Variants in CHM observed in about 807,000 individuals in gnomAD.
The protein encoded by CHM is CHM Rab escort protein, also known as rab proteins geranylgeranyltransferase component A 1.
A neutral mutation model predicts 49.0 loss-of-function variants in CHM; 10 were observed. That is an observed-to-expected ratio of 0.20 (90% CI 0.13 to 0.35). The LOEUF (loss-of-function observed/expected upper bound fraction) is 0.35, where lower values mean the gene tolerates loss of function less well. Among genes scored for constraint, CHM ranks in the 10% least tolerant of loss-of-function variants. The pLI, the probability that CHM is intolerant of heterozygous loss-of-function variation, is 1.00. For synonymous variants in CHM, 184 were observed against 167.5 expected, an observed-to-expected ratio of 1.10 and a Z score of -0.76; for missense variants, 455 against 478.4, an observed-to-expected ratio of 0.95 and a Z score of 0.46.
At chrX:85,912,531 G>A (rs1603248513) in intron 8 of CHM, among the ~76,000 whole-genome samples, 1 of 111,433 alleles carries the variant, frequency 9.0e-6, no homozygotes, top group East Asian at 2.8e-4. Flanking sequence ...ATAATGGAAT[G>A]TCCAGAAAGA....
rs1323025683 is a variant in CHM, at chrX:85,956,996, A to C, written c.941-618T>G. On this transcript the variant is annotated intron_variant, in intron 7 of 14. Coordinates refer to ENST00000357749, the MANE Select transcript of CHM (RefSeq NM_000390.4). ...ATAAATCCCATGATAAAAGACAAAAACTTTACAGAAATAATTTACATAAAT... is the reference window on the plus strand; with the variant it reads ...ATAAATCCCATGATAAAAGACAAAACCTTTACAGAAATAATTTACATAAAT... 3.6e-5 allele frequency among the ~76,000 whole-genome samples: 4 copies of C among 111,339 alleles called. No individual in the cohort carries two copies. The South Asian group carries it at 1.5e-3, about 42-fold the overall frequency.
intron 2 of CHM, among the ~76,000 whole-genome samples, chrX:86,000,269 G>GAAAAACAAAAAAAAAAAAAAAAAAAAA (rs1932636954): frequency 1.4e-5 from 1 of 72,664 alleles, no homozygotes. Flanking sequence ...AAGTCTTCCT[G>GAAAAACAAAAAAAAAAAAAAAAAAAAA]AAAAAAAAAA....
rs1924196508 is a variant in CHM, at chrX:85,873,187, T to G, written c.1635A>C (p.Arg545Ser). Reference protein sequence around the residue: ...EIENEQVEKPRILWALYFNMR... With the variant: ...EIENEQVEKPSILWALYFNMR... ...TATTGAAGTAAAGAGCCCACAGAATTCTTGGCTTTTCTACTTGTTCATTTT... is the reference window on the plus strand; with the variant it reads ...TATTGAAGTAAAGAGCCCACAGAATGCTTGGCTTTTCTACTTGTTCATTTT... Residue 545 changes from arginine to serine, a missense_variant, in exon 14 of 15, where the codon AGA becomes AGC. Arg to Ser is a moderately radical substitution (Grantham distance 110). Coordinates refer to ENST00000357749, the MANE Select transcript of CHM (RefSeq NM_000390.4). 8.4e-7 allele frequency: 1 copy of G among 1,187,683 alleles called. No individual in the cohort carries two copies. The highest frequency in any genetic ancestry group is 1.8e-5 in the African/African-American group (1 of 56,718).
chrX:85,974,536 G>GA (rs943603931), intron 4 of CHM, among the ~76,000 whole-genome samples: 8 of 111,107 alleles, frequency 7.2e-5, no homozygotes, highest in African/African-American at 2.6e-4. Context: ...ATTGGTGGAG[G>GA]AAAAAACATA....
chrX:86,032,853 G>C (rs1458274236), intron 1 of CHM, among the ~76,000 whole-genome samples: 1 of 111,346 alleles, frequency 9.0e-6, no homozygotes, highest in Non-Finnish European at 1.9e-5. Context: ...TCACAGTTGA[G>C]GTTCTGTTAC....
intron 13 of CHM, among the ~76,000 whole-genome samples, chrX:85,874,443 T>C (rs1924299338): frequency 1.8e-5 from 2 of 111,768 alleles, no homozygotes; most frequent in African/African-American, 6.5e-5. Context: ...GGCATAATTA[T>C]CTCATTAATT....
chrX:85,874,373 T>A (rs1924294230), intron 13 of CHM, among the ~76,000 whole-genome samples: 1 of 111,617 alleles, frequency 9.0e-6, no homozygotes, highest in Admixed American at 9.5e-5. Context: ...TAATAATGAA[T>A]GTTTATGAAG....
chrX:85,925,785 T>TAA (rs1368331743), intron 8 of CHM, among the ~76,000 whole-genome samples: 1 of 112,033 alleles, frequency 8.9e-6, no homozygotes, highest in African/African-American at 3.2e-5. Flanking sequence ...CTTCTTTTAC[T>TAA]TCTAATGCTC....
chrX:85,978,577 C>G (rs1023117327), intron 4 of CHM, 190 bp downstream of exon 4: 8 of 332,531 alleles, frequency 2.4e-5, no homozygotes, highest in Non-Finnish European at 4.3e-5. Context: ...AATTCGGAGG[C>G]GTTAAGGTAA....
At chrX:85,936,621 C>T (rs1386580537) in intron 8 of CHM, among the ~76,000 whole-genome samples, 1 of 112,208 alleles carries the variant, frequency 8.9e-6, no homozygotes, top group Non-Finnish European at 1.9e-5. Context: ...TAAAAAGACT[C>T]AGTTTTTGAG....
At chrX:85,930,109 T>TA (rs1031133233) in intron 8 of CHM, among the ~76,000 whole-genome samples, 4 of 110,657 alleles carry the variant, frequency 3.6e-5, no homozygotes, top group African/African-American at 1.3e-4. Context: ...AAATAGAAAA[T>TA]AAAAAAAATA....
At chrX:85,898,226 C>A (rs1926029201) in intron 11 of CHM, among the ~76,000 whole-genome samples, 1 of 111,175 alleles carries the variant, frequency 9.0e-6, no homozygotes, top group African/African-American at 3.3e-5. Context: ...CATTTGCACA[C>A]CCCCATTCTC....
At chrX:85,900,596 A>T in intron 11 of CHM, 50 bp downstream of exon 11, 1 of 759,300 alleles carries the variant, frequency 1.3e-6, no homozygotes, top group Non-Finnish European at 2.0e-6. Context: ...ATATACCGAA[A>T]CATCTTCATA....
intron 8 of CHM, among the ~76,000 whole-genome samples, chrX:85,914,580 C>A (rs1489887620): frequency 1.8e-5 from 2 of 110,815 alleles, no homozygotes; most frequent in Non-Finnish European, 3.8e-5. Flanking sequence ...CCAGGGCCCA[C>A]ATGCATAAGA....
intron 8 of CHM, among the ~76,000 whole-genome samples, chrX:85,930,466 G>C (rs867199409): frequency 8.9e-6 from 1 of 112,033 alleles, no homozygotes; most frequent in African/African-American, 3.2e-5. Flanking sequence ...TTACAGTTTT[G>C]TTTTTAAAAA....
intron 8 of CHM, among the ~76,000 whole-genome samples, chrX:85,951,300 A>G (rs1277202268): frequency 9.0e-6 from 1 of 111,368 alleles, no homozygotes; most frequent in Non-Finnish European, 1.9e-5. Flanking sequence ...ACAAAGCTAC[A>G]ACTGAATAAA....
chrX:85,938,259 A>G (rs1049810785), intron 8 of CHM, among the ~76,000 whole-genome samples: 3 of 112,387 alleles, frequency 2.7e-5, no homozygotes, highest in Non-Finnish European at 5.6e-5. Context: ...AGGGAAAAAC[A>G]AATAATTGAT....
chrX:85,937,263 A>C (rs1207567840), intron 8 of CHM, among the ~76,000 whole-genome samples: 4 of 90,312 alleles, frequency 4.4e-5, no homozygotes, highest in African/African-American at 1.7e-4. Context: ...AGACTCCGTC[A>C]AAAAAAAAAA....
chrX:85,993,296 A>C (rs747086203), intron 2 of CHM, among the ~76,000 whole-genome samples: 1 of 111,236 alleles, frequency 9.0e-6, no homozygotes, highest in South Asian at 3.8e-4. Context: ...AATAAATGGC[A>C]ACACCATCCT....
Sources: allele counts gnomAD v4.1 joint callset (sites outside exome capture counted in the v4.1 genomes callset), GRCh38; gene constraint gnomAD v4.1.1; transcripts MANE v1.5; gene names NCBI Gene and HGNC (gene_info 2026-07-23, HGNC 2026-07-21).